MAP4K4: variants seen among roughly 807,000 people sequenced by gnomAD.
MAP4K4 encodes the protein mitogen-activated protein kinase kinase kinase kinase 4.
MAP4K4 carries 38 observed loss-of-function variants against 189.6 expected under a neutral mutation model. That is an observed-to-expected ratio of 0.20 (90% confidence interval 0.15 to 0.26). MAP4K4 has a LOEUF of 0.26. Ranked by LOEUF, MAP4K4 falls within the 10% of genes least tolerant of loss-of-function variation. The pLI is 1.00. For missense variants in MAP4K4, 1,054 were observed against 1,726.9 expected (o/e 0.61, Z 6.91); for synonymous variants, 610 against 624.3 (o/e 0.98, Z 0.34).
intron 2 of MAP4K4, among the ~76,000 whole-genome samples, chr2:101,756,424 G>A (rs1044674259): frequency 1.3e-5 from 2 of 152,144 alleles, no homozygotes; most frequent in Non-Finnish European, 2.9e-5. Context: ...GTGCCTGCTC[G>A]GTAGTAGTTG....
At chr2:101,746,276 T>C (rs1360089545) in intron 2 of MAP4K4, among the ~76,000 whole-genome samples, 1 of 151,202 alleles carries the variant, frequency 6.6e-6, no homozygotes, top group Non-Finnish European at 1.5e-5. Context: ...TGTGAGCCAC[T>C]GTGCCTGGCC....
At chr2:101,788,786 CT>C (rs1013983627) in intron 2 of MAP4K4, among the ~76,000 whole-genome samples, 4 of 152,084 alleles carry the variant, frequency 2.6e-5, no homozygotes, top group African/African-American at 9.7e-5. Flanking sequence ...AGGATACACA[CT>C]TGTGGTCTTG....
At chr2:101,886,286 A>G (rs1370550350) in intron 29 of MAP4K4, among the ~76,000 whole-genome samples, 1 of 152,170 alleles carries the variant, frequency 6.6e-6, no homozygotes, top group African/African-American at 2.4e-5. Flanking sequence ...AACTGTGGGT[A>G]GTGATGTCAG....
chr2:101,804,389 C>T (rs2094697638), intron 3 of MAP4K4, among the ~76,000 whole-genome samples: 2 of 152,104 alleles, frequency 1.3e-5, no homozygotes, highest in Admixed American at 6.5e-5. Context: ...TTTCTCACTC[C>T]TCTCCCTGGT....
At chr2:101,860,123 A>G in intron 15 of MAP4K4, 2 of 538,048 alleles carry the variant, frequency 3.7e-6, no homozygotes, top group South Asian at 2.2e-5. Flanking sequence ...GAACTAAACT[A>G]AAAGATTACA....
intron 27 of MAP4K4, among the ~76,000 whole-genome samples, chr2:101,881,288 A>T (rs1244317384): frequency 6.6e-6 from 1 of 152,184 alleles, no homozygotes; most frequent in Non-Finnish European, 1.5e-5. Flanking sequence ...TTGCTGGTAT[A>T]CAGGAAATAC....
At chr2:101,785,703 T>TTTTC (rs1558913963) in intron 2 of MAP4K4, among the ~76,000 whole-genome samples, 8 of 5,318 alleles carry the variant, frequency 1.5e-3, no homozygotes, top group South Asian at 0.018. Flanking sequence ...TCTCTCTCTC[T>TTTTC]CTCTCTCTCT....
intron 2 of MAP4K4, among the ~76,000 whole-genome samples, chr2:101,758,612 A>G (rs1243762477): frequency 6.6e-6 from 1 of 152,170 alleles, no homozygotes; most frequent in African/African-American, 2.4e-5. Context: ...AGGACTGTGT[A>G]TGAAATTTAG....
At chr2:101,800,488 CT>C (rs1345746055) in intron 3 of MAP4K4, among the ~76,000 whole-genome samples, 1 of 152,100 alleles carries the variant, frequency 6.6e-6, no homozygotes, top group Non-Finnish European at 1.5e-5. Context: ...TACAGACAGC[CT>C]TTATATTAAT....
chr2:101,798,808 AAAAC>A (rs1401284844), intron 3 of MAP4K4, among the ~76,000 whole-genome samples: 13 of 152,258 alleles, frequency 8.5e-5, no homozygotes, highest in Admixed American at 3.3e-4. Context: ...ATTGTCCAAG[AAAAC>A]AGTCTTCTAT....
Position 101,745,328 on chromosome 2 carries a change from ACCC to A in MAP4K4, c.124-45381_124-45379del, listed in dbSNP as rs1210718503. 3.6e-4 allele frequency among the ~76,000 whole-genome samples: 20 copies of A among 54,872 alleles called. 1 individual carries two copies. The highest frequency in any genetic ancestry group is 2.0e-3 in the Admixed American group (8 of 4,092). 36.0% of individuals were successfully genotyped at this position (54,872 alleles called of 152,430 possible). A position where few individuals can be genotyped will look rare whatever the true frequency, so the allele number is the denominator to read the frequency against. ...AAATATGGAAAAAAGTGAAAATATC[ACCC>A]CCCCCCCCCCAATACTGCTGTCCTC... On this transcript the variant is annotated intron_variant, in intron 2 of 32. Coordinates refer to ENST00000324219, the Ensembl canonical transcript of MAP4K4.
intron 2 of MAP4K4, among the ~76,000 whole-genome samples, chr2:101,738,651 A>G (rs1454373797): frequency 1.3e-5 from 2 of 152,062 alleles, no homozygotes; most frequent in African/African-American, 4.8e-5. Flanking sequence ...CTATTCTCCT[A>G]TGCTTTGGAT....
chr2:101,887,311 A>G (rs749340050), intron 30 of MAP4K4, 74 bp downstream of exon 30: 1 of 1,446,096 alleles, frequency 6.9e-7, no homozygotes, highest in Admixed American at 2.2e-5. Context: ...TACTCTGCTT[A>G]GTGAACTAAC....
At chr2:101,763,377 T>C (rs1363575824) in intron 2 of MAP4K4, among the ~76,000 whole-genome samples, 1 of 152,234 alleles carries the variant, frequency 6.6e-6, no homozygotes, top group Non-Finnish European at 1.5e-5. Context: ...ATATACCCAC[T>C]TTACAAGTCG....
chr2:101,818,843 T>G (rs1409310096), intron 3 of MAP4K4, among the ~76,000 whole-genome samples: 1 of 152,190 alleles, frequency 6.6e-6, no homozygotes, highest in Non-Finnish European at 1.5e-5. Flanking sequence ...TCCAAAATGC[T>G]AATTGGCATC....
chr2:101,787,370 C>T (rs1300577693), intron 2 of MAP4K4, among the ~76,000 whole-genome samples: 3 of 152,194 alleles, frequency 2.0e-5, no homozygotes, highest in African/African-American at 7.2e-5. Flanking sequence ...CTTAAGTTCC[C>T]AGCATAATGC....
At chr2:101,757,097 T>C (rs560022943) in intron 2 of MAP4K4, among the ~76,000 whole-genome samples, 1 of 152,272 alleles carries the variant, frequency 6.6e-6, no homozygotes, top group South Asian at 2.1e-4. Flanking sequence ...TGTGTGTACC[T>C]TTGGAGTAAG....
chr2:101,700,981 G>A (rs2038282684), intron 2 of MAP4K4, among the ~76,000 whole-genome samples: 1 of 151,914 alleles, frequency 6.6e-6, no homozygotes, highest in African/African-American at 2.4e-5. Context: ...GTAGATTTGG[G>A]ATTACATTAT....
In MAP4K4 at chr2:101,765,394, A is replaced by G. The variant is rs118190020; in HGVS notation, c.124-25326A>G. 1.3e-3 allele frequency among the ~76,000 whole-genome samples: 202 copies of G among 152,306 alleles called. 4 individuals carry two copies. The East Asian group carries it at 0.035, about 26-fold the overall frequency. On this transcript the variant is annotated intron_variant, in intron 2 of 32. Transcript: ENST00000324219. ...TTTGAGCCTGGAGTGCAGGGGCGCAATCACGGCTCTCTGCAGCCACCATCT... is the reference window on the plus strand; with the variant it reads ...TTTGAGCCTGGAGTGCAGGGGCGCAGTCACGGCTCTCTGCAGCCACCATCT...
Sources: allele counts gnomAD v4.1 joint callset (sites outside exome capture counted in the v4.1 genomes callset), GRCh38; gene constraint gnomAD v4.1.1; transcripts MANE v1.5; gene names NCBI Gene and HGNC (gene_info 2026-07-23, HGNC 2026-07-21).